The following ANOS1 variants were observed in gnomAD, a reference collection of about 807,000 sequenced individuals.
ANOS1 encodes anosmin-1.
Under a neutral mutation model 59.0 loss-of-function variants are expected in ANOS1, and 6 were observed. That is an observed-to-expected ratio of 0.10 (90% CI 0.06 to 0.20). The LOEUF is 0.20. Ranked by LOEUF, ANOS1 falls within the 10% of genes least tolerant of loss-of-function variation. The pLI, the probability that ANOS1 is intolerant of heterozygous loss-of-function variation, is 1.00. For missense variants in ANOS1, 433 were observed against 542.3 expected (o/e 0.80, Z 2.00); for synonymous variants, 217 against 223.4 (o/e 0.97, Z 0.25).
chrX:8,622,571 G>A (rs781722803), intron 3 of ANOS1, among the ~76,000 whole-genome samples: 6 of 111,420 alleles, frequency 5.4e-5, no homozygotes, highest in African/African-American at 1.3e-4. Flanking sequence ...TTCTGATGTC[G>A]GGGGCACCTC....
chrX:8,544,245 GAAT>G (rs957878021), intron 9 of ANOS1, among the ~76,000 whole-genome samples: 10 of 105,344 alleles, frequency 9.5e-5, no homozygotes, highest in Non-Finnish European at 1.7e-4. Flanking sequence ...GGGTTCTCCA[GAAT>G]AATAATTGCT....
intron 1 of ANOS1, among the ~76,000 whole-genome samples, chrX:8,703,669 AG>A (rs1455351134): frequency 9.0e-6 from 1 of 111,475 alleles, no homozygotes; most frequent in African/African-American, 3.3e-5. Context: ...TAACCTTAAA[AG>A]GAGAGATGAA....
intron 2 of ANOS1, among the ~76,000 whole-genome samples, chrX:8,673,049 TA>T (rs1932281708): frequency 1.8e-5 from 2 of 111,336 alleles, no homozygotes; most frequent in African/African-American, 6.5e-5. Context: ...AAGAGAACTG[TA>T]AAAAAAGACA....
intron 2 of ANOS1, among the ~76,000 whole-genome samples, chrX:8,640,189 T>C: frequency 9.0e-6 from 1 of 111,091 alleles, no homozygotes; most frequent in East Asian, 2.8e-4. Context: ...CATGATGAAA[T>C]GCAGGGGCTG....
At chrX:8,691,008 G>A (rs1212597102) in intron 2 of ANOS1, among the ~76,000 whole-genome samples, 1 of 111,505 alleles carries the variant, frequency 9.0e-6, no homozygotes, top group East Asian at 2.8e-4. Context: ...TTACTAAGTG[G>A]CATGCCATTG....
At position 8,536,900 on chromosome X, in the gene ANOS1, A is replaced by G; in HGVS notation, c.1492T>C (p.Tyr498His). The change falls in exon 11 of 14, where the codon TAT becomes CAT. Residue 498 changes from tyrosine to histidine, a missense_variant. Physicochemically the swap from Tyr to His is moderately conservative, Grantham distance 83. Transcript: ENST00000262648. ...ILQDLSFSCK[Y>H]KVTVQPIRPK... ...CGTATTGGTTGGACAGTCACCTTAT[A>G]CTTGCAGGAAAATGACAGATCTTGA... is the stretch of plus-strand genomic sequence containing the variant. The G allele has an allele frequency of 8.3e-7, 1 of 1,209,110 alleles. No individual in the cohort carries two copies. The highest frequency in any genetic ancestry group is 1.8e-5 in the South Asian group (1 of 56,833).
At chrX:8,565,909 G>A in intron 8 of ANOS1, 1 of 570,073 alleles carries the variant, frequency 1.8e-6, no homozygotes, top group South Asian at 9.0e-5. Flanking sequence ...TGGTCAGGGT[G>A]GGAGGGCAGG....
chrX:8,615,066 C>G (rs1311886907), intron 3 of ANOS1, among the ~76,000 whole-genome samples: 3 of 110,257 alleles, frequency 2.7e-5, no homozygotes, highest in African/African-American at 9.9e-5. Context: ...TTCCACTTTA[C>G]TACTACTACG....
In ANOS1 at chrX:8,530,119, C is replaced by T. The variant is rs1929473947; in HGVS notation, c.*2876G>A. 8.9e-6 allele frequency: 1 copy of T among 112,239 alleles called. No individual in the cohort carries two copies. Among genetic ancestry groups the T allele is most frequent in the Non-Finnish European group, 1.9e-5 (1 of 53,327 alleles). The allele number at this position is 112,239 out of a possible 1,213,427, so 9.2% of individuals were successfully genotyped here. Reference sequence around the variant, plus strand: ...ACTGAAAAGAGCACATGTTGGTTTGCAAACATCATTCTATGGAGTTCCAGG... The same window carrying T: ...ACTGAAAAGAGCACATGTTGGTTTGTAAACATCATTCTATGGAGTTCCAGG... On this transcript the variant is annotated 3_prime_UTR_variant, in exon 14 of 14. Coordinates refer to ENST00000262648, the MANE Select transcript of ANOS1 (RefSeq NM_000216.4).
rs1402674512 is a variant in ANOS1, at chrX:8,529,829, C to A, written c.*3166G>T. On this transcript the variant is annotated 3_prime_UTR_variant, in exon 14 of 14. Transcript: ENST00000262648. Reference sequence around the variant, plus strand: ...GGTTGTCTCAACTTGGGGGAGGGTGCAACTGGCATCTGGTGAGGAGAAAGT... The same window carrying A: ...GGTTGTCTCAACTTGGGGGAGGGTGAAACTGGCATCTGGTGAGGAGAAAGT... 9.0e-6 allele frequency: 1 copy of A among 111,044 alleles called. No individual in the cohort carries two copies. Among genetic ancestry groups the A allele is most frequent in the African/African-American group, 3.3e-5 (1 of 30,484 alleles). The allele number at this position is 111,044 out of a possible 1,213,427, so 9.2% of individuals were successfully genotyped here.
intron 2 of ANOS1, among the ~76,000 whole-genome samples, chrX:8,675,531 G>A (rs73475389): frequency 0.038 from 4,237 of 110,523 alleles, 210 homozygotes; most frequent in African/African-American, 0.13. Context: ...TGAAAAAAGC[G>A]GTGGGTCTTA....
chrX:8,590,855 A>G (rs958503531), intron 4 of ANOS1, among the ~76,000 whole-genome samples: 2 of 112,249 alleles, frequency 1.8e-5, no homozygotes, highest in African/African-American at 3.2e-5. Context: ...AAGATTTATC[A>G]TAAGTATTCT....
rs200740864 is a variant in ANOS1 at position 8,567,823 on chromosome X, AAAC to A, written c.1207+406_1207+408del. Among the ~76,000 whole-genome samples the A allele has an allele frequency of 2.3e-3, 260 of 111,582 alleles. 2 individuals carry two copies. Among genetic ancestry groups the A allele is most frequent in the African/African-American group, 7.8e-3 (239 of 30,681 alleles). ...ATACCAAACAAAACAAAACAAAACA[AAAC>A]AACAACAACAACAATTACAGAAACA... is the stretch of plus-strand genomic sequence containing the variant. On this transcript the variant is annotated intron_variant, in intron 8 of 13. Coordinates refer to ENST00000262648, the MANE Select transcript of ANOS1 (RefSeq NM_000216.4).
intron 1 of ANOS1, among the ~76,000 whole-genome samples, chrX:8,714,308 A>G (rs180980436): frequency 8.9e-6 from 1 of 111,870 alleles, no homozygotes; most frequent in Admixed American, 9.5e-5. Context: ...GACAGGTGCA[A>G]TATGTTATAC....
intron 7 of ANOS1, among the ~76,000 whole-genome samples, chrX:8,570,141 A>C (rs1472823720): frequency 1.4e-5 from 1 of 73,989 alleles, no homozygotes; most frequent in African/African-American, 7.3e-5. Context: ...TCTCTCTCTC[A>C]AAAAAAAAAA....
chrX:8,643,513 C>T (rs1470184583), intron 2 of ANOS1, among the ~76,000 whole-genome samples: 3 of 111,536 alleles, frequency 2.7e-5, no homozygotes, highest in Non-Finnish European at 5.6e-5. Flanking sequence ...TATATCATGA[C>T]TTATTTTGCA....
chrX:8,621,323 G>A (rs981375826), intron 3 of ANOS1, among the ~76,000 whole-genome samples: 2 of 103,866 alleles, frequency 1.9e-5, no homozygotes, highest in Non-Finnish European at 3.9e-5. Context: ...CCGAGATCAC[G>A]CCACTGCACT....
In ANOS1 at chrX:8,650,151, C is replaced by T. The variant is rs149967201; in HGVS notation, c.256-26481G>A. Among the ~76,000 whole-genome samples the T allele has an allele frequency of 3.3e-3, 368 of 112,132 alleles. 3 individuals carry two copies. Among genetic ancestry groups the T allele is most frequent in the African/African-American group, 0.011 (353 of 30,867 alleles). The stretch of plus-strand genomic sequence containing the variant: ...CTGGAGGTTCCAGTTCTCCTGGGTC[C>T]CTCCTGGCATTTCCAGGCAACTGCA... On this transcript the variant is annotated intron_variant, in intron 2 of 13. Transcript: ENST00000262648.
At chrX:8,699,987 T>G (rs1258700932) in intron 1 of ANOS1, among the ~76,000 whole-genome samples, 1 of 112,011 alleles carries the variant, frequency 8.9e-6, no homozygotes, top group East Asian at 2.8e-4. Flanking sequence ...CTAAGCTGTC[T>G]GAAATGAAAA....
Sources: gnomAD v4.1 joint callset for allele counts (sites outside exome capture counted in the v4.1 genomes callset) on GRCh38, gnomAD v4.1.1 for gene constraint, MANE v1.5 for transcripts, NCBI Gene and HGNC (gene_info 2026-07-23, HGNC 2026-07-21) for gene names.